Variants in SDK2 observed in about 807,000 individuals in gnomAD.
SDK2 encodes protein sidekick-2.
In SDK2, 105 loss-of-function variants were observed where a neutral mutation model predicts 253.9. That is an observed-to-expected ratio of 0.41 (90% CI 0.35 to 0.49). The LOEUF (loss-of-function observed/expected upper bound fraction) is 0.49, where lower values mean the gene tolerates loss of function less well. Among genes scored for constraint, SDK2 ranks in the 20% least tolerant of loss-of-function variants. The pLI is 0.06. For synonymous variants in SDK2, 1,249 were observed against 1,234.9 expected (o/e 1.01, Z -0.24); for missense variants, 2,608 against 3,003.0 (o/e 0.87, Z 3.07).
At chr17:73,476,984 G>C (rs1445555324) in intron 2 of SDK2, among the ~76,000 whole-genome samples, 3 of 152,200 alleles carry the variant, frequency 2.0e-5, no homozygotes. Context: ...CTGCCTGGGA[G>C]ACCTATTTCT....
At chr17:73,513,982 G>T (rs1403463107) in intron 1 of SDK2, among the ~76,000 whole-genome samples, 1 of 152,162 alleles carries the variant, frequency 6.6e-6, no homozygotes, top group African/African-American at 2.4e-5. Context: ...GGGTGCCCGG[G>T]GACTTGGGTT....
chr17:73,577,475 C>G (rs1165510147), intron 1 of SDK2, among the ~76,000 whole-genome samples: 1 of 152,110 alleles, frequency 6.6e-6, no homozygotes, highest in Non-Finnish European at 1.5e-5. Context: ...AGAGAGGGTC[C>G]CCAGCTGGTG....
chr17:73,640,217 C>A (rs975381762), intron 1 of SDK2, among the ~76,000 whole-genome samples: 1 of 136,230 alleles, frequency 7.3e-6, no homozygotes, highest in South Asian at 2.2e-4. Context: ...AAGAGGCAGT[C>A]GATAAATATT....
chr17:73,514,912 G>A (rs2064012431), intron 1 of SDK2, among the ~76,000 whole-genome samples: 1 of 152,122 alleles, frequency 6.6e-6, no homozygotes, highest in African/African-American at 2.4e-5. Context: ...CCTTACCCCT[G>A]GTGGACCACA....
At chr17:73,391,871 G>T (rs904212131) in intron 27 of SDK2, among the ~76,000 whole-genome samples, 1 of 152,356 alleles carries the variant, frequency 6.6e-6, no homozygotes, top group Admixed American at 6.5e-5. Context: ...CAGTGCTTCA[G>T]AAGGTCCTGT....
chr17:73,338,645 G>T lies in SDK2; in HGVS notation c.6461C>A (p.Pro2154His). The T allele has an allele frequency of 6.5e-7, 1 of 1,545,438 alleles. No individual in the cohort carries two copies. The highest frequency in any genetic ancestry group is 8.7e-7 in the Non-Finnish European group (1 of 1,149,734). The stretch of plus-strand genomic sequence containing the variant: ...CCGGGAGCCTGGGGCCAGGCTGCTG[G>T]GGGGACGGTAGAGGGTGCTCTGCTG... ...PSQQSTLYRP[P>H]SSLAPGSRAP... Residue 2154 changes from proline to histidine, a missense_variant, in exon 45 of 45, where the codon CCC becomes CAC. By Grantham distance (77) the Pro-to-His change is moderately conservative. This residue lies in a region of SDK2 where 1,103 missense variants were observed against 1,143.9 expected (regional missense o/e 0.96). Transcript: ENST00000392650. The surrounding 1 kb of genome is among the most constrained non-coding windows in gnomAD (Gnocchi z 5.0).
At position 73,433,718 on chromosome 17, in the gene SDK2, T is replaced by C. The variant is rs1037722148; in HGVS notation, c.1312+14A>G. On this transcript the variant is annotated intron_variant, in intron 10 of 44. Coordinates refer to ENST00000392650, the MANE Select transcript of SDK2 (RefSeq NM_001144952.2). Reference sequence around the variant, plus strand: ...ATCACCCAGCCACACTCTCTGAAGGTGTGTTCCATCTACCTTTCTGCCAAG... The same window carrying C: ...ATCACCCAGCCACACTCTCTGAAGGCGTGTTCCATCTACCTTTCTGCCAAG... 3 of 1,554,402 alleles carry C rather than the reference T, an allele frequency of 1.9e-6. No individual in the cohort carries two copies. The African/African-American group carries it at 4.1e-5, about 21-fold the overall frequency.
intron 1 of SDK2, among the ~76,000 whole-genome samples, chr17:73,606,266 G>A (rs760300291): frequency 6.6e-5 from 10 of 152,114 alleles, no homozygotes; most frequent in Non-Finnish European, 1.2e-4. Flanking sequence ...CAGCTCCCTA[G>A]GGAAGCTGGG....
At chr17:73,527,621 C>T (rs533816742) in intron 1 of SDK2, among the ~76,000 whole-genome samples, 27 of 152,260 alleles carry the variant, frequency 1.8e-4, no homozygotes, top group African/African-American at 5.3e-4. Flanking sequence ...ATCCTAATGC[C>T]GATAAGAAGG....
Position 73,570,284 on chromosome 17 carries a change from C to A in SDK2, c.65-62687G>T, listed in dbSNP as rs2045366109. Among the ~76,000 whole-genome samples, 1 of 152,160 alleles carries A rather than the reference C, an allele frequency of 6.6e-6. No individual in the cohort carries two copies. Among genetic ancestry groups the A allele is most frequent in the Non-Finnish European group, 1.5e-5 (1 of 68,032 alleles). On this transcript the variant is annotated intron_variant, in intron 1 of 44. Coordinates refer to ENST00000392650, the MANE Select transcript of SDK2 (RefSeq NM_001144952.2). The surrounding 1 kb of genome is among the most constrained non-coding windows in gnomAD (Gnocchi z 4.2). ...CCTACCACCCCATAGGAGTGGTAGACCCCGTCTACACCGGGTCCAGAAACC... is the reference window on the plus strand; with the variant it reads ...CCTACCACCCCATAGGAGTGGTAGAACCCGTCTACACCGGGTCCAGAAACC...
chr17:73,518,963 C>T (rs1046854801), intron 1 of SDK2: 2 of 152,212 alleles, frequency 1.3e-5, no homozygotes, highest in African/African-American at 4.8e-5. Flanking sequence ...CTCTGTCACC[C>T]TTCTCACAGG....
Position 73,472,122 on chromosome 17 carries a change from G to C in SDK2, c.321C>G (p.Val107=). The part of the protein sequence containing the change: ...MGALLQRQTE[V]QVAYMGSFEE... ...CCCCATTGTACTCACAGGCCACCTG[G>C]ACCTCGGTTTGCCGCTGCAGCAGGG... Residue 107 remains valine (V), a synonymous_variant, in exon 3 of 45, where the codon GTC becomes GTG. Coordinates refer to ENST00000392650, the MANE Select transcript of SDK2 (RefSeq NM_001144952.2). 1 of 1,551,368 alleles carries C rather than the reference G, an allele frequency of 6.4e-7. No homozygotes were observed. Among genetic ancestry groups the C allele is most frequent in the Non-Finnish European group, 8.7e-7 (1 of 1,146,852 alleles).
chr17:73,599,025 G>C (rs1046889066), intron 1 of SDK2, among the ~76,000 whole-genome samples: 1 of 152,210 alleles, frequency 6.6e-6, no homozygotes, highest in African/African-American at 2.4e-5. Context: ...TCCGGGTAAG[G>C]AGCGAGTGGA....
intron 1 of SDK2, among the ~76,000 whole-genome samples, chr17:73,603,895 G>T (rs2045873598): frequency 1.3e-5 from 2 of 152,228 alleles, no homozygotes; most frequent in African/African-American, 4.8e-5. Flanking sequence ...TCAGAGGTCA[G>T]CGGCCACAAT....
chr17:73,343,325 G>C (rs1313070322), intron 44 of SDK2, among the ~76,000 whole-genome samples: 1 of 152,366 alleles, frequency 6.6e-6, no homozygotes, highest in African/African-American at 2.4e-5. Context: ...CCCCCGCTCC[G>C]CCTTCCAAAG....
rs545672523 is a variant in SDK2 at position 73,442,405 on chromosome 17, G to A, written c.614-1482C>T. 3.3e-5 allele frequency among the ~76,000 whole-genome samples: 5 copies of A among 151,730 alleles called. No homozygotes were observed. In the East Asian group the frequency reaches 7.8e-4, roughly 24 times the overall value. On this transcript the variant is annotated intron_variant, in intron 5 of 44. Coordinates refer to ENST00000392650, the MANE Select transcript of SDK2 (RefSeq NM_001144952.2). ...TGCCCAGGCTGGAGTGCAGTGGCAC[G>A]ATCTCGGCTCACCACAACCTCTGCC...
chr17:73,356,713 G>A (rs1410177612), intron 40 of SDK2, among the ~76,000 whole-genome samples: 1 of 152,196 alleles, frequency 6.6e-6, no homozygotes, highest in African/African-American at 2.4e-5. Flanking sequence ...CCCTGTGCCT[G>A]GTTACTGATC....
At chr17:73,574,212 T>C (rs1236927821) in intron 1 of SDK2, among the ~76,000 whole-genome samples, 1 of 152,340 alleles carries the variant, frequency 6.6e-6, no homozygotes, top group East Asian at 1.9e-4. Flanking sequence ...CTTCAGCCCC[T>C]AGAACATTGC....
At chr17:73,568,096 A>G (rs79073804) in intron 1 of SDK2, among the ~76,000 whole-genome samples, 3,469 of 152,272 alleles carry the variant, frequency 0.023, 57 homozygotes, top group African/African-American at 0.054. Flanking sequence ...CGGATCCTAA[A>G]TGTTAGAAAT....
Sources: allele counts gnomAD v4.1 joint callset (sites outside exome capture counted in the v4.1 genomes callset), GRCh38; gene constraint gnomAD v4.1.1; regional missense constraint gnomAD v4.1.1; non-coding constraint Gnocchi (gnomAD v3.1); transcripts MANE v1.5; gene names NCBI Gene and HGNC (gene_info 2026-07-23, HGNC 2026-07-21).